LIN52: variants seen among roughly 807,000 people sequenced by gnomAD.
LIN52 encodes lin-52 DREAM MuvB core complex component.
In LIN52, 4 loss-of-function variants were observed where a neutral mutation model predicts 18.5. The observed-to-expected ratio is 0.22, with a 90% CI of 0.11 to 0.49. The LOEUF is 0.49. LIN52 is among the 20% of genes least tolerant of loss of function. The pLI is 0.97. For missense variants in LIN52, 102 were observed against 139.5 expected, an observed-to-expected ratio of 0.73 and a Z score of 1.35; for synonymous variants, 34 against 45.5, an observed-to-expected ratio of 0.75 and a Z score of 1.02.
chr14:74,176,197 C>G (rs1397180846), intron 5 of LIN52, among the ~76,000 whole-genome samples: 3 of 152,136 alleles, frequency 2.0e-5, no homozygotes, highest in Non-Finnish European at 4.4e-5. Flanking sequence ...GAGCCATGCT[C>G]TGTCACCCAG....
At chr14:74,155,563 C>T (rs1049091589) in intron 5 of LIN52, among the ~76,000 whole-genome samples, 3 of 152,210 alleles carry the variant, frequency 2.0e-5, no homozygotes, top group African/African-American at 7.2e-5. Context: ...TCATTCTCCC[C>T]TCCCCTTTTC....
chr14:74,141,818 C>T (rs1268000682), intron 5 of LIN52, among the ~76,000 whole-genome samples: 1 of 152,186 alleles, frequency 6.6e-6, no homozygotes, highest in Non-Finnish European at 1.5e-5. Flanking sequence ...CTGGCGGCTT[C>T]CTCTAAAGTT....
intron 5 of LIN52, among the ~76,000 whole-genome samples, chr14:74,175,770 C>A (rs1221864283): frequency 6.9e-6 from 1 of 145,254 alleles, no homozygotes; most frequent in African/African-American, 2.6e-5. Flanking sequence ...TACAGCTATA[C>A]CAAAATCTTC....
At chr14:74,130,739 G>C (rs1185472378) in intron 5 of LIN52, among the ~76,000 whole-genome samples, 3 of 151,300 alleles carry the variant, frequency 2.0e-5, no homozygotes, top group Non-Finnish European at 2.9e-5. Context: ...ACAGGCATGT[G>C]CCACCACGCG....
At chr14:74,193,912 C>T (rs913939092) in intron 5 of LIN52, among the ~76,000 whole-genome samples, 5 of 152,184 alleles carry the variant, frequency 3.3e-5, no homozygotes, top group African/African-American at 1.2e-4. Context: ...GTCCCCGCTT[C>T]ACAAACATTT....
At chr14:74,140,392 A>G (rs775540933) in intron 5 of LIN52, among the ~76,000 whole-genome samples, 2 of 152,202 alleles carry the variant, frequency 1.3e-5, no homozygotes, top group Non-Finnish European at 2.9e-5. Flanking sequence ...ATATAGCTAC[A>G]CCGGGGCTCT....
chr14:74,144,151 G>T (rs748630239), intron 5 of LIN52, among the ~76,000 whole-genome samples: 10 of 150,118 alleles, frequency 6.7e-5, no homozygotes, highest in Non-Finnish European at 1.0e-4. Context: ...TTAAGACAGG[G>T]TCTTGCTCTG....
chr14:74,101,939 A>G (rs899681693), intron 5 of LIN52, among the ~76,000 whole-genome samples: 7 of 152,074 alleles, frequency 4.6e-5, no homozygotes, highest in African/African-American at 7.2e-5. Flanking sequence ...TGCCTGGGTA[A>G]TTAAAAAATT....
At chr14:74,139,025 TTTCCATCC>T (rs1246467332) in intron 5 of LIN52, among the ~76,000 whole-genome samples, 3 of 151,810 alleles carry the variant, frequency 2.0e-5, no homozygotes, top group African/African-American at 7.3e-5. Context: ...AGGACTAAAG[TTTCCATCC>T]TTCCATCCTA....
At position 74,137,498 on chromosome 14, in the gene LIN52, C is replaced by CTTTTTTTTTTTTT. The variant is rs71460959; in HGVS notation, c.283+36266_283+36278dup. Reference sequence around the variant, plus strand: ...GCACTAAATTCTTCACAGCAGCTCTCTTTTTTTTTTTTTTTTTTGAGATGG... The same window carrying CTTTTTTTTTTTTT: ...GCACTAAATTCTTCACAGCAGCTCTCTTTTTTTTTTTTTTTTTTTTTTTTTTTTTTTGAGATGG... On this transcript the variant is annotated intron_variant, in intron 5 of 5. Coordinates refer to ENST00000555028, the MANE Select transcript of LIN52 (RefSeq NM_001024674.3). 5.7e-3 allele frequency among the ~76,000 whole-genome samples: 637 copies of CTTTTTTTTTTTTT among 111,562 alleles called. 53 individuals are homozygous for CTTTTTTTTTTTTT. The highest frequency in any genetic ancestry group is 0.025 in the East Asian group (64 of 2,556). The allele number at this position is 111,562 out of a possible 152,430, so 73.2% of individuals were successfully genotyped here.
At chr14:74,095,805 A>T in intron 2 of LIN52, 143 bp from the exon 3 acceptor site, 1 of 507,460 alleles carries the variant, frequency 2.0e-6, no homozygotes, top group East Asian at 3.4e-5. Flanking sequence ...TTGAGGACTG[A>T]AACAGTGTTA....
At chr14:74,192,321 C>T (rs1279172974) in intron 5 of LIN52, among the ~76,000 whole-genome samples, 8 of 152,064 alleles carry the variant, frequency 5.3e-5, no homozygotes, top group South Asian at 2.1e-4. Flanking sequence ...AGTCTCACTC[C>T]GTTGACCAGG....
intron 5 of LIN52, among the ~76,000 whole-genome samples, chr14:74,123,424 G>A (rs371990515): frequency 1.3e-5 from 2 of 152,238 alleles, no homozygotes; most frequent in East Asian, 3.9e-4. Context: ...TTCTAGCTTA[G>A]GTGTATATAG....
At chr14:74,150,405 C>T (rs115458028) in intron 5 of LIN52, among the ~76,000 whole-genome samples, 1 of 152,158 alleles carries the variant, frequency 6.6e-6, no homozygotes, top group African/African-American at 2.4e-5. Context: ...ATATATATAA[C>T]ATTGAATGAT....
chr14:74,088,059 C>T (rs1371624234), intron 1 of LIN52, among the ~76,000 whole-genome samples: 1 of 152,136 alleles, frequency 6.6e-6, no homozygotes, highest in Non-Finnish European at 1.5e-5. Context: ...ACTATAGGCT[C>T]ACACCACCAT....
chr14:74,131,628 T>G (rs1566856998), intron 5 of LIN52, among the ~76,000 whole-genome samples: 1 of 152,196 alleles, frequency 6.6e-6, no homozygotes, highest in Non-Finnish European at 1.5e-5. Context: ...GGCTTAAACT[T>G]TTTAATACAT....
intron 5 of LIN52, among the ~76,000 whole-genome samples, chr14:74,160,183 A>G (rs1372187949): frequency 6.6e-6 from 1 of 152,200 alleles, no homozygotes; most frequent in Non-Finnish European, 1.5e-5. Flanking sequence ...AAGTTTGGAC[A>G]TGGAGACAGA....
intron 2 of LIN52, among the ~76,000 whole-genome samples, chr14:74,095,287 A>T (rs1176488424): frequency 6.7e-6 from 1 of 148,262 alleles, no homozygotes; most frequent in African/African-American, 2.5e-5. Flanking sequence ...GGGGCACATC[A>T]CTACGCCTGG....
intron 5 of LIN52, among the ~76,000 whole-genome samples, chr14:74,185,989 TG>T (rs772381108): frequency 6.6e-6 from 1 of 152,144 alleles, no homozygotes; most frequent in Non-Finnish European, 1.5e-5. Context: ...TGATGCTCAG[TG>T]TTTAATTAAG....
Sources: allele counts gnomAD v4.1 joint callset (sites outside exome capture counted in the v4.1 genomes callset), GRCh38; gene constraint gnomAD v4.1.1; transcripts MANE v1.5; gene names NCBI Gene and HGNC (gene_info 2026-07-23, HGNC 2026-07-21).